Variants in SMARCC1 observed in about 807,000 individuals in gnomAD.
SMARCC1 encodes the protein SWI/SNF complex subunit SMARCC1.
A neutral mutation model predicts 147.4 loss-of-function variants in SMARCC1; 43 were observed. That is an observed-to-expected ratio of 0.29 (90% CI 0.23 to 0.38). SMARCC1 has a LOEUF of 0.38. Ranked by LOEUF, SMARCC1 falls within the 10% of genes least tolerant of loss-of-function variation. The pLI, the probability that SMARCC1 is intolerant of heterozygous loss-of-function variation, is 1.00. For missense variants in SMARCC1, 1,119 were observed against 1,381.1 expected (o/e 0.81, Z 3.01); for synonymous variants, 495 against 484.4 (o/e 1.02, Z -0.29).
intron 25 of SMARCC1, among the ~76,000 whole-genome samples, chr3:47,613,131 G>C (rs186290390): frequency 7.2e-5 from 11 of 152,242 alleles, no homozygotes; most frequent in African/African-American, 2.4e-4. Context: ...TTAGGCATCT[G>C]GAAATCTGTC....
At chr3:47,602,766 C>T (rs2032408545) in intron 26 of SMARCC1, among the ~76,000 whole-genome samples, 1 of 152,226 alleles carries the variant, frequency 6.6e-6, no homozygotes, top group African/African-American at 2.4e-5. Flanking sequence ...TGCTTTCACA[C>T]ATAGAGTACA....
intron 26 of SMARCC1, among the ~76,000 whole-genome samples, chr3:47,599,181 G>GT (rs1234265530): frequency 6.6e-6 from 1 of 152,214 alleles, no homozygotes; most frequent in Non-Finnish European, 1.5e-5. Flanking sequence ...GAGGTCAGGA[G>GT]TTTGAGACCA....
chr3:47,619,940 C>A (rs1405228890), intron 25 of SMARCC1, among the ~76,000 whole-genome samples: 1 of 152,070 alleles, frequency 6.6e-6, no homozygotes, highest in African/African-American at 2.4e-5. Context: ...CTTGGACTGG[C>A]CACTAAGAAA....
At chr3:47,771,433 G>A (rs546267089) in intron 2 of SMARCC1, among the ~76,000 whole-genome samples, 12 of 152,188 alleles carry the variant, frequency 7.9e-5, no homozygotes, top group Admixed American at 3.9e-4. Context: ...ATCAGAGTTC[G>A]AAAATATAAA....
At chr3:47,613,552 G>T (rs1433381955) in intron 25 of SMARCC1, among the ~76,000 whole-genome samples, 1 of 151,898 alleles carries the variant, frequency 6.6e-6, no homozygotes. Context: ...TAGAGATGGG[G>T]TTTCACCATG....
In SMARCC1 at chr3:47,772,544, G is replaced by A. The variant is rs368314572; in HGVS notation, c.315+273C>T. 4.6e-5 allele frequency among the ~76,000 whole-genome samples: 7 copies of A among 152,182 alleles called. No individual in the cohort carries two copies. In the South Asian group the frequency reaches 1.0e-3, roughly 23 times the overall value. The stretch of plus-strand genomic sequence containing the variant: ...TCAGGAGAAAGCATGGAGAAGACTC[G>A]GTACGGCGAGAGGATAGGGAACTGC... On this transcript the variant is annotated intron_variant, in intron 2 of 27. Coordinates refer to ENST00000254480, the MANE Select transcript of SMARCC1 (RefSeq NM_003074.4).
chr3:47,703,016 T>C (rs537367575), intron 10 of SMARCC1, among the ~76,000 whole-genome samples: 3 of 152,230 alleles, frequency 2.0e-5, no homozygotes, highest in South Asian at 2.1e-4. Context: ...AATCTTTTCC[T>C]TCCCAGGTTC....
At chr3:47,745,033 C>T (rs1336106656) in intron 3 of SMARCC1, among the ~76,000 whole-genome samples, 1 of 152,042 alleles carries the variant, frequency 6.6e-6, no homozygotes, top group Non-Finnish European at 1.5e-5. Context: ...CTTGGAAGGT[C>T]AAGGCAGGTA....
intron 26 of SMARCC1, among the ~76,000 whole-genome samples, chr3:47,596,663 C>T (rs1485099592): frequency 1.3e-5 from 2 of 151,728 alleles, no homozygotes; most frequent in African/African-American, 2.4e-5. Context: ...CCTGGGCTCA[C>T]GTGATTCTCC....
chr3:47,747,345 G>A (rs888877575), intron 2 of SMARCC1, among the ~76,000 whole-genome samples: 7 of 151,728 alleles, frequency 4.6e-5, no homozygotes, highest in African/African-American at 1.7e-4. Flanking sequence ...GCTGAGGTAG[G>A]AGGATGGCTT....
chr3:47,716,433 A>C (rs902670079), intron 7 of SMARCC1, among the ~76,000 whole-genome samples: 15 of 151,334 alleles, frequency 9.9e-5, no homozygotes, highest in African/African-American at 3.1e-4. Context: ...AAAAAAAAAA[A>C]AAAAAACCCA....
chr3:47,714,442 A>G lies in SMARCC1; in HGVS notation c.765T>C (p.Asp255=). The stretch of plus-strand genomic sequence containing the variant: ...TCCATGGTTTTTCTGGAATTGGTGG[A>G]TCTTCAATTTCAGCATCAACATCAT... The part of the protein sequence containing the change: ...HSNDVDAEIE[D]PPIPEKPWKV... The change falls in exon 8 of 28, where the codon GAT becomes GAC. Residue 255 remains aspartate, a synonymous_variant. Coordinates refer to ENST00000254480, the MANE Select transcript of SMARCC1 (RefSeq NM_003074.4). The G allele has an allele frequency of 6.3e-7, 1 of 1,592,848 alleles. No individual in the cohort carries two copies. Among genetic ancestry groups the G allele is most frequent in the Admixed American group, 1.7e-5 (1 of 59,196 alleles).
At chr3:47,611,831 C>T (rs2032569560) in intron 25 of SMARCC1, among the ~76,000 whole-genome samples, 1 of 152,128 alleles carries the variant, frequency 6.6e-6, no homozygotes, top group Admixed American at 6.6e-5. Flanking sequence ...AGGCCATGAA[C>T]ACAGTATGAA....
In SMARCC1 at chr3:47,738,097, G is replaced by T; in HGVS notation, c.415C>A (p.Leu139Ile). 1 of 1,568,250 alleles carries T rather than the reference G, an allele frequency of 6.4e-7. No homozygotes were observed. Among genetic ancestry groups the T allele is most frequent in the Non-Finnish European group, 8.6e-7 (1 of 1,158,796 alleles). Residue 139 changes from leucine to isoleucine, a missense_variant, in exon 4 of 28, where the codon CTA (leucine) becomes ATA (isoleucine). Physicochemically the swap from Leu to Ile is conservative, Grantham distance 5 (BLOSUM62 2). Around this residue, in one of 6 missense-constraint regions of SMARCC1, gnomAD observed 542 missense variants for 611.8 expected, o/e 0.89. Transcript: ENST00000254480. The stretch of plus-strand genomic sequence containing the variant: ...CGATCCATTCGAGATGGGTTCTGTA[G>T]GTCAAACCTCCGCCTAAAAAAAAAG... ...KNEQGWRRFDLQNPSRMDRNV... is the reference protein window; with the variant it reads ...KNEQGWRRFDIQNPSRMDRNV...
At chr3:47,646,635 TAA>T (rs932468011) in intron 21 of SMARCC1, among the ~76,000 whole-genome samples, 1 of 152,232 alleles carries the variant, frequency 6.6e-6, no homozygotes, top group African/African-American at 2.4e-5. Flanking sequence ...GCCTTTAATA[TAA>T]GTGTGTAATA....
chr3:47,729,989 G>A (rs2034348402), intron 5 of SMARCC1, among the ~76,000 whole-genome samples: 1 of 152,018 alleles, frequency 6.6e-6, no homozygotes, highest in Non-Finnish European at 1.5e-5. Context: ...GACCAGCGTG[G>A]CCAACACGGT....
At chr3:47,605,485 G>T (rs1370337193) in intron 26 of SMARCC1, among the ~76,000 whole-genome samples, 2 of 152,170 alleles carry the variant, frequency 1.3e-5, no homozygotes, top group African/African-American at 2.4e-5. Context: ...GAAGAAGCCA[G>T]ATGTGGCCGG....
At chr3:47,592,971 C>T (rs2106640755) in intron 26 of SMARCC1, among the ~76,000 whole-genome samples, 1 of 152,066 alleles carries the variant, frequency 6.6e-6, no homozygotes, top group East Asian at 1.9e-4. Flanking sequence ...AGGTGTGCAC[C>T]ACCATGCCTG....
At chr3:47,591,028 TG>T (rs1559620424) in intron 26 of SMARCC1, among the ~76,000 whole-genome samples, 191 bp from the exon 27 acceptor site, 1 of 152,146 alleles carries the variant, frequency 6.6e-6, no homozygotes, top group Admixed American at 6.6e-5. Context: ...AGGGTGTTAA[TG>T]GGGGTAGGTC....
Sources: gnomAD v4.1 joint callset for allele counts (sites outside exome capture counted in the v4.1 genomes callset) on GRCh38, gnomAD v4.1.1 for gene constraint, gnomAD v4.1.1 regional missense constraint, MANE v1.5 for transcripts, NCBI Gene and HGNC (gene_info 2026-07-23, HGNC 2026-07-21) for gene names.